ABCC4: variants seen among roughly 807,000 people sequenced by gnomAD.
ABCC4 encodes the protein ATP binding cassette subfamily C member 4 (PEL blood group).
Under a neutral mutation model 168.5 loss-of-function variants are expected in ABCC4, and 102 were observed. The observed-to-expected ratio is 0.61, with a 90% CI of 0.52 to 0.71. ABCC4 has a LOEUF of 0.71. ABCC4 is among the 30% of genes least tolerant of loss of function. The pLI, the probability that ABCC4 is intolerant of heterozygous loss-of-function variation, is 0.00. For missense variants in ABCC4, 1,402 were observed against 1,605.8 expected (o/e 0.87, Z 2.17); for synonymous variants, 617 against 590.7 (o/e 1.04, Z -0.65).
At position 95,070,969 on chromosome 13, in the gene ABCC4, C is replaced by T. The variant is rs187659996; in HGVS notation, c.3210+693G>A. On this transcript the variant is annotated intron_variant, in intron 25 of 30. Transcript: ENST00000645237. ...ATTCCCACATGTTGTGGGAGGGACC[C>T]GGTGGGAGGTAATTGAATCATGGGG... 1.6e-4 allele frequency among the ~76,000 whole-genome samples: 25 copies of T among 152,214 alleles called. No individual in the cohort carries two copies. In the East Asian group the frequency reaches 2.9e-3, roughly 18 times the overall value.
intron 30 of ABCC4, among the ~76,000 whole-genome samples, chr13:95,024,549 A>C (rs577542489): frequency 6.6e-6 from 1 of 152,300 alleles, no homozygotes; most frequent in East Asian, 1.9e-4. Context: ...GACAAAGGAG[A>C]GCAACTGGGC....
intron 1 of ABCC4, among the ~76,000 whole-genome samples, chr13:95,266,518 C>A (rs1268111592): frequency 2.6e-5 from 4 of 152,328 alleles, no homozygotes; most frequent in Non-Finnish European, 2.9e-5. Flanking sequence ...CCTCAGCAAA[C>A]TCATACAGTG....
At chr13:95,073,457 A>G in intron 23 of ABCC4, 153 bp from the exon 24 acceptor site, 1 of 478,390 alleles carries the variant, frequency 2.1e-6, no homozygotes, top group South Asian at 5.5e-5. Context: ...GTTGCTTGAG[A>G]TCAAGATACA....
At chr13:95,163,485 C>A in intron 17 of ABCC4, 125 bp downstream of exon 17, 1 of 943,426 alleles carries the variant, frequency 1.1e-6, no homozygotes, top group Non-Finnish European at 1.6e-6. Context: ...TCTAATTTTT[C>A]TTCGGGTAAA....
At chr13:95,083,910 G>C (rs948985301) in intron 20 of ABCC4, among the ~76,000 whole-genome samples, 2 of 152,104 alleles carry the variant, frequency 1.3e-5, no homozygotes, top group Admixed American at 1.3e-4. Context: ...CTGAGATTTA[G>C]AGTAGGACTT....
intron 19 of ABCC4, among the ~76,000 whole-genome samples, chr13:95,139,398 G>A (rs570172292): frequency 2.0e-5 from 3 of 152,274 alleles, no homozygotes; most frequent in East Asian, 3.9e-4. Context: ...AAAACAAGAA[G>A]AATGTGCCAG....
At position 95,111,300 on chromosome 13, in the gene ABCC4, G is replaced by A. The variant is rs148943194; in HGVS notation, c.2535+4622C>T. On this transcript the variant is annotated intron_variant, in intron 20 of 30. Transcript: ENST00000645237. ...TTGAAAAAGCAGACAAGAAAAACAT[G>A]TTTGAACAACTCTTTATAAGCCAGA... is the stretch of plus-strand genomic sequence containing the variant. 3.8e-3 allele frequency among the ~76,000 whole-genome samples: 586 copies of A among 152,294 alleles called. 2 individuals carry two copies. Among genetic ancestry groups the A allele is most frequent in the Non-Finnish European group, 5.9e-3 (403 of 68,000 alleles).
At chr13:95,079,597 G>T (rs1399361918) in intron 21 of ABCC4, among the ~76,000 whole-genome samples, 1 of 152,216 alleles carries the variant, frequency 6.6e-6, no homozygotes, top group Non-Finnish European at 1.5e-5. Context: ...CACTTTGGGA[G>T]GCTGAGGCGG....
chr13:95,097,539 A>G (rs2034643835), intron 20 of ABCC4, among the ~76,000 whole-genome samples: 1 of 150,444 alleles, frequency 6.6e-6, no homozygotes, highest in African/African-American at 2.5e-5. Flanking sequence ...TTATAAGCCA[A>G]CTTGACCTGT....
chr13:95,236,873 C>G (rs2039788092), intron 3 of ABCC4, among the ~76,000 whole-genome samples: 1 of 152,156 alleles, frequency 6.6e-6, no homozygotes, highest in Admixed American at 6.5e-5. Context: ...AGATGAAAAT[C>G]TGGACGTTTA....
At chr13:95,159,677 C>A (rs1410868833) in intron 19 of ABCC4, among the ~76,000 whole-genome samples, 2 of 152,190 alleles carry the variant, frequency 1.3e-5, no homozygotes, top group Non-Finnish European at 2.9e-5. Flanking sequence ...GCTGTAATAG[C>A]GCAGAGGTCC....
intron 19 of ABCC4, among the ~76,000 whole-genome samples, chr13:95,141,830 G>A (rs577986083): frequency 5.6e-4 from 85 of 152,230 alleles, no homozygotes; most frequent in Non-Finnish European, 6.8e-4. Flanking sequence ...CAAACTCCTG[G>A]GCTCAAGGGA....
chr13:95,243,283 T>G (rs757869152), intron 3 of ABCC4, among the ~76,000 whole-genome samples: 1 of 152,210 alleles, frequency 6.6e-6, no homozygotes, highest in Non-Finnish European at 1.5e-5. Flanking sequence ...ATCTGGGGTC[T>G]TCATCCTTGC....
intron 8 of ABCC4, among the ~76,000 whole-genome samples, chr13:95,202,419 T>A (rs984416898): frequency 6.6e-6 from 1 of 152,158 alleles, no homozygotes; most frequent in African/African-American, 2.4e-5. Flanking sequence ...GTTTTCTAAA[T>A]AAGTGAGACA....
At chr13:95,080,867 G>A (rs1456014232) in intron 21 of ABCC4, among the ~76,000 whole-genome samples, 1 of 152,126 alleles carries the variant, frequency 6.6e-6, no homozygotes, top group African/African-American at 2.4e-5. Context: ...AGGGCACAAG[G>A]ATGAAGCTGG....
intron 1 of ABCC4, among the ~76,000 whole-genome samples, chr13:95,255,937 A>C (rs2040381138): frequency 6.6e-6 from 1 of 152,024 alleles, no homozygotes; most frequent in Non-Finnish European, 1.5e-5. Flanking sequence ...CTCACTTTAT[A>C]ATCCCATCTT....
intron 19 of ABCC4, among the ~76,000 whole-genome samples, chr13:95,135,442 T>G (rs1215791814): frequency 6.6e-6 from 1 of 151,214 alleles, no homozygotes; most frequent in Non-Finnish European, 1.5e-5. Flanking sequence ...TGAGAGGGTC[T>G]TGCTCTGTTG....
chr13:95,088,452 CT>C (rs1230929222), intron 20 of ABCC4, among the ~76,000 whole-genome samples: 1 of 152,158 alleles, frequency 6.6e-6, no homozygotes, highest in African/African-American at 2.4e-5. Context: ...CATAAACACA[CT>C]TTTCAAGTGC....
chr13:95,052,121 C>T (rs532035774), intron 27 of ABCC4, among the ~76,000 whole-genome samples: 50 of 152,278 alleles, frequency 3.3e-4, no homozygotes, highest in African/African-American at 1.2e-3. Flanking sequence ...GCTGGGACTA[C>T]AGGCGCACAC....
Sources: allele counts gnomAD v4.1 joint callset (sites outside exome capture counted in the v4.1 genomes callset), GRCh38; gene constraint gnomAD v4.1.1; transcripts MANE v1.5; gene names NCBI Gene and HGNC (gene_info 2026-07-23, HGNC 2026-07-21).